Variants in SLC35F3 observed in about 807,000 individuals in gnomAD.
SLC35F3 encodes the protein putative thiamine transporter SLC35F3.
SLC35F3 carries 25 observed loss-of-function variants against 49.9 expected under a neutral mutation model. That is an observed-to-expected ratio of 0.50 (90% CI 0.37 to 0.70). The LOEUF is 0.70. Ranked by LOEUF, SLC35F3 falls within the 30% of genes least tolerant of loss-of-function variation. The probability of loss-of-function intolerance (pLI) is 0.00; values close to 1 mark genes in which losing one functional copy is unlikely to be tolerated. For synonymous variants in SLC35F3, 275 were observed against 265.4 expected (o/e 1.04, Z -0.35); for missense variants, 525 against 639.8 (o/e 0.82, Z 1.94).
At chr1:234,172,930 G>A (rs1226893612) in intron 2 of SLC35F3, among the ~76,000 whole-genome samples, 1 of 152,156 alleles carries the variant, frequency 6.6e-6, no homozygotes, top group South Asian at 2.1e-4. Flanking sequence ...TAGCAGAGAG[G>A]CCCCATGTGT....
At chr1:234,006,937 G>A (rs1484584963) in intron 2 of SLC35F3, among the ~76,000 whole-genome samples, 1 of 152,120 alleles carries the variant, frequency 6.6e-6, no homozygotes, top group African/African-American at 2.4e-5. Context: ...CTAGACCAGC[G>A]GTTGGCAAAT....
At chr1:234,020,729 T>G (rs1025888905) in intron 2 of SLC35F3, among the ~76,000 whole-genome samples, 1 of 152,174 alleles carries the variant, frequency 6.6e-6, no homozygotes, top group Non-Finnish European at 1.5e-5. Flanking sequence ...TTTTTTCTTC[T>G]GAATACAATA....
chr1:234,225,023 T>C (rs1667265259), intron 2 of SLC35F3, among the ~76,000 whole-genome samples: 1 of 152,220 alleles, frequency 6.6e-6, no homozygotes, highest in Admixed American at 6.5e-5. Context: ...TTCGGCCGCA[T>C]GTGAATGGTG....
In SLC35F3 at chr1:234,087,433, A is replaced by G. The variant is rs191440253; in HGVS notation, c.284-143984A>G. Reference sequence around the variant, plus strand: ...TCCGAGGTTGCTCCTTCATACTTACAGAGGGGCACAGAACTGCCCAGAGTT... The same window carrying G: ...TCCGAGGTTGCTCCTTCATACTTACGGAGGGGCACAGAACTGCCCAGAGTT... On this transcript the variant is annotated intron_variant, in intron 2 of 7. Transcript: ENST00000366618. Among the ~76,000 whole-genome samples, 11 of 152,322 alleles carry G rather than the reference A, an allele frequency of 7.2e-5. No individual in the cohort carries two copies. In the East Asian group the frequency reaches 2.1e-3, roughly 29 times the overall value.
At chr1:234,194,361 C>T (rs1210687166) in intron 2 of SLC35F3, among the ~76,000 whole-genome samples, 7 of 152,114 alleles carry the variant, frequency 4.6e-5, no homozygotes, top group Non-Finnish European at 1.0e-4. Context: ...CAACAAACAT[C>T]GCATGTTCTC....
intron 2 of SLC35F3, among the ~76,000 whole-genome samples, chr1:234,068,566 A>G (rs1664654862): frequency 1.3e-5 from 2 of 151,972 alleles, no homozygotes; most frequent in Non-Finnish European, 2.9e-5. Flanking sequence ...TGTCCCTGAA[A>G]CAGAAGTAGG....
chr1:234,174,101 CTGCGGCATGGTGCCACAG>C lies in SLC35F3; in HGVS notation c.284-57315_284-57298del, dbSNP rs547888100. On this transcript the variant is annotated intron_variant, in intron 2 of 7. Coordinates refer to ENST00000366618, the MANE Select transcript of SLC35F3 (RefSeq NM_173508.4). Reference sequence around the variant, plus strand: ...AGCTCTGCGTGGCAGTCCTGTGTTCCTGCGGCATGGTGCCACAGAGAATGTTTTGTCCCTGTGCTAATG... The same window carrying C: ...AGCTCTGCGTGGCAGTCCTGTGTTCCAGAATGTTTTGTCCCTGTGCTAATG... Among the ~76,000 whole-genome samples the C allele has an allele frequency of 4.1e-4, 62 of 152,360 alleles. No homozygotes were observed. The South Asian group carries it at 9.9e-3, about 24-fold the overall frequency.
chr1:233,964,505 C>A (rs1317636273), intron 2 of SLC35F3, among the ~76,000 whole-genome samples: 1 of 152,158 alleles, frequency 6.6e-6, no homozygotes, highest in African/African-American at 2.4e-5. Flanking sequence ...AGAATGAGAT[C>A]AACAAACAAG....
chr1:234,291,583 C>T (rs605656), intron 3 of SLC35F3, among the ~76,000 whole-genome samples: 29,481 of 152,064 alleles, frequency 0.19, 3,050 homozygotes, highest in African/African-American at 0.27. Flanking sequence ...ACTACAGGCA[C>T]GTACCACCAC....
chr1:233,907,334 T>C (rs571273277), intron 2 of SLC35F3, among the ~76,000 whole-genome samples: 1 of 152,320 alleles, frequency 6.6e-6, no homozygotes, highest in African/African-American at 2.4e-5. Flanking sequence ...GGTTTGTGAT[T>C]TGGGGGCTTG....
chr1:234,152,035 G>A (rs1666082032), intron 2 of SLC35F3, among the ~76,000 whole-genome samples: 1 of 149,476 alleles, frequency 6.7e-6, no homozygotes, highest in South Asian at 2.1e-4. Context: ...GAATATCTGA[G>A]AATAATAACC....
At chr1:234,092,345 C>T (rs1050932568) in intron 2 of SLC35F3, among the ~76,000 whole-genome samples, 13 of 152,138 alleles carry the variant, frequency 8.5e-5, no homozygotes, top group Non-Finnish European at 5.9e-5. Context: ...TTCTCTCTTC[C>T]ATTCCCTCAG....
chr1:234,257,350 A>G (rs955681419), intron 3 of SLC35F3, among the ~76,000 whole-genome samples: 1 of 152,030 alleles, frequency 6.6e-6, no homozygotes, highest in Non-Finnish European at 1.5e-5. Flanking sequence ...TTAGTTGTTA[A>G]TTCTCCTAAA....
chr1:234,225,840 C>A (rs1356515828), intron 2 of SLC35F3, among the ~76,000 whole-genome samples: 4 of 152,192 alleles, frequency 2.6e-5, no homozygotes, highest in South Asian at 4.1e-4. Flanking sequence ...ATGGAATTCT[C>A]TTCAGGCATC....
chr1:233,964,602 G>A (rs961651222), intron 2 of SLC35F3, among the ~76,000 whole-genome samples: 4 of 152,202 alleles, frequency 2.6e-5, no homozygotes, highest in African/African-American at 4.8e-5. Flanking sequence ...TTCATGTGTC[G>A]CGAAGGCATG....
intron 4 of SLC35F3, among the ~76,000 whole-genome samples, chr1:234,313,253 ACCCTCCT>A (rs1163052044): frequency 3.3e-5 from 5 of 151,940 alleles, no homozygotes; most frequent in Non-Finnish European, 7.4e-5. Flanking sequence ...GGCACCACTA[ACCCTCCT>A]CTCTCCTCTT....
intron 2 of SLC35F3, among the ~76,000 whole-genome samples, chr1:234,034,624 G>T (rs921310800): frequency 5.5e-5 from 8 of 146,256 alleles, no homozygotes; most frequent in African/African-American, 2.2e-4. Flanking sequence ...GGATTCAAGC[G>T]ATTATCCTGC....
chr1:234,113,373 C>T (rs1186532198), intron 2 of SLC35F3, among the ~76,000 whole-genome samples: 1 of 152,202 alleles, frequency 6.6e-6, no homozygotes, highest in Non-Finnish European at 1.5e-5. Context: ...TCTGAACATA[C>T]TCACTACAGG....
At chr1:234,145,810 C>A (rs1665987498) in intron 2 of SLC35F3, among the ~76,000 whole-genome samples, 1 of 152,166 alleles carries the variant, frequency 6.6e-6, no homozygotes, top group Admixed American at 6.5e-5. Context: ...ACCAATCCCC[C>A]AGGGATACCA....
Sources: gnomAD v4.1 joint callset for allele counts (sites outside exome capture counted in the v4.1 genomes callset) on GRCh38, gnomAD v4.1.1 for gene constraint, MANE v1.5 for transcripts, NCBI Gene and HGNC (gene_info 2026-07-23, HGNC 2026-07-21) for gene names.